The following LRRC53 variants were observed in gnomAD, a reference collection of about 807,000 sequenced individuals.
The protein encoded by LRRC53 is leucine rich repeat containing 53.
Under a neutral mutation model 13.6 loss-of-function variants are expected in LRRC53, and 25 were observed. The observed-to-expected ratio is 1.83, with a 90% CI of 1.34 to 2.56. The LOEUF (loss-of-function observed/expected upper bound fraction) is 2.56, where lower values mean the gene tolerates loss of function less well. Among genes scored for constraint, LRRC53 ranks in the 30% most tolerant of loss-of-function variants. LRRC53 has a pLI of 0.00. For missense variants in LRRC53, 527 were observed against 275.8 expected (o/e 1.91, Z -6.45); for synonymous variants, 204 against 109.8 (o/e 1.86, Z -5.37).
intron 1 of LRRC53, among the ~76,000 whole-genome samples, chr1:74,511,403 C>T (rs1485441435): frequency 6.6e-6 from 1 of 151,970 alleles, no homozygotes; most frequent in Non-Finnish European, 1.5e-5. Flanking sequence ...ATGTTGGCCT[C>T]GAACTCCTGG....
chr1:74,496,681 G>A (rs1043948797), intron 1 of LRRC53, among the ~76,000 whole-genome samples: 4 of 152,006 alleles, frequency 2.6e-5, no homozygotes, highest in Non-Finnish European at 4.4e-5. Flanking sequence ...ACAGATAATA[G>A]GAATTCCCTA....
rs143699578 is a variant in LRRC53 at position 74,509,231 on chromosome 1, C to T, written c.-27+3295G>A. On this transcript the variant is annotated intron_variant, in intron 1 of 4. Coordinates refer to ENST00000294635, the MANE Select transcript of LRRC53 (RefSeq NM_001382280.1). ...TCAAATTTGACAGTGTTGACCATTC[C>T]TCAGTCAAGTTGCCATTTGGAATAA... Among the ~76,000 whole-genome samples the T allele has an allele frequency of 3.4e-4, 51 of 152,216 alleles. No homozygotes were observed. The East Asian group carries it at 7.9e-3, about 24-fold the overall frequency.
At chr1:74,532,344 G>A in the LRRC53 span, among the ~76,000 whole-genome samples, 80 of 151,996 alleles carry the variant, frequency 5.3e-4, no homozygotes, top group Non-Finnish European at 9.7e-4. Context: ...AGAATTTAGC[G>A]TTCATCTTTA....
chr1:74,527,200 C>A, the LRRC53 span, among the ~76,000 whole-genome samples: 1 of 152,172 alleles, frequency 6.6e-6, no homozygotes, highest in Admixed American at 6.5e-5. Flanking sequence ...AAGTGCCAGG[C>A]ACACGGAGAC....
At chr1:74,490,472 A>G (rs1241942509) in intron 1 of LRRC53, among the ~76,000 whole-genome samples, 2 of 152,228 alleles carry the variant, frequency 1.3e-5, no homozygotes, top group African/African-American at 2.4e-5. Context: ...GGAATCCACC[A>G]TGATAGGATC....
chr1:74,514,073 C>G (rs994026644), upstream of LRRC53, among the ~76,000 whole-genome samples: 3 of 152,142 alleles, frequency 2.0e-5, no homozygotes, highest in Admixed American at 6.6e-5. Context: ...AAAGGCTATT[C>G]GAAGTTTGCA....
intron 1 of LRRC53, among the ~76,000 whole-genome samples, chr1:74,491,718 A>G (rs992923006): frequency 6.6e-6 from 1 of 152,238 alleles, no homozygotes; most frequent in African/African-American, 2.4e-5. Context: ...TGTAAAGGGA[A>G]TAATTTTAGC....
intron 1 of LRRC53, among the ~76,000 whole-genome samples, chr1:74,507,751 T>C (rs1387055536): frequency 6.6e-6 from 1 of 152,232 alleles, no homozygotes; most frequent in Non-Finnish European, 1.5e-5. Context: ...ACTAATATGG[T>C]ACTTTAGTGT....
At chr1:74,502,630 A>C (rs1356196527) in intron 1 of LRRC53, among the ~76,000 whole-genome samples, 3 of 152,176 alleles carry the variant, frequency 2.0e-5, no homozygotes, top group Non-Finnish European at 4.4e-5. Context: ...CCTCGCACTT[A>C]AACTGCCAGA....
chr1:74,482,509 C>G (rs1179011853), intron 2 of LRRC53, among the ~76,000 whole-genome samples: 5 of 152,204 alleles, frequency 3.3e-5, no homozygotes, highest in African/African-American at 7.2e-5. Flanking sequence ...ATGAAAACCT[C>G]TCTGTCCTGT....
At chr1:74,532,479 T>G in the LRRC53 span, among the ~76,000 whole-genome samples, 1 of 152,068 alleles carries the variant, frequency 6.6e-6, no homozygotes, top group Admixed American at 6.5e-5. Context: ...TTCTTTTTAT[T>G]TTATTATTAT....
Position 74,475,813 on chromosome 1 carries a change from A to G in LRRC53, c.905-3T>C, listed in dbSNP as rs1475417853. ...TAGGCAAGTGAGACCAACAGCTCCTATGACAAATAGAGAGACCATTAAAAG... is the reference window on the plus strand; with the variant it reads ...TAGGCAAGTGAGACCAACAGCTCCTGTGACAAATAGAGAGACCATTAAAAG... On this transcript the variant is annotated splice_polypyrimidine_tract_variant and splice_region_variant and intron_variant, in intron 3 of 4. Coordinates refer to ENST00000294635, the MANE Select transcript of LRRC53 (RefSeq NM_001382280.1). 5 of 599,240 alleles carry G rather than the reference A, an allele frequency of 8.3e-6. No individual in the cohort carries two copies. Among genetic ancestry groups the G allele is most frequent in the African/African-American group, 5.6e-5 (3 of 53,612 alleles). The allele number at this position is 599,240 out of a possible 1,614,324, so 37.1% of individuals were successfully genotyped here. A position where few individuals can be genotyped will look rare whatever the true frequency, so the allele number is the denominator to read the frequency against.
intron 1 of LRRC53, among the ~76,000 whole-genome samples, chr1:74,488,145 G>A (rs1457430966): frequency 1.3e-5 from 2 of 152,160 alleles, no homozygotes; most frequent in Non-Finnish European, 2.9e-5. Context: ...AAGAATGAGG[G>A]GGTGTGGCTA....
intron 1 of LRRC53, among the ~76,000 whole-genome samples, chr1:74,487,884 C>T (rs751081878): frequency 5.9e-5 from 9 of 152,082 alleles, no homozygotes; most frequent in Non-Finnish European, 1.2e-4. Flanking sequence ...GAGAAAGGGA[C>T]AGCTCAGAGA....
intron 1 of LRRC53, among the ~76,000 whole-genome samples, chr1:74,500,455 T>G (rs1324524439): frequency 1.3e-5 from 2 of 151,206 alleles, no homozygotes; most frequent in African/African-American, 4.9e-5. Flanking sequence ...TACAAAAAAA[T>G]TAGCCGGGCG....
At chr1:74,503,454 C>T (rs1669736957) in intron 1 of LRRC53, among the ~76,000 whole-genome samples, 1 of 152,194 alleles carries the variant, frequency 6.6e-6, no homozygotes, top group South Asian at 2.1e-4. Flanking sequence ...CTCACTTCAG[C>T]AGTGTCTTCT....
the LRRC53 span, among the ~76,000 whole-genome samples, chr1:74,526,679 T>C: frequency 2.6e-5 from 4 of 152,220 alleles, no homozygotes; most frequent in Non-Finnish European, 5.9e-5. Context: ...TGCATTTTAG[T>C]CTTTAACATT....
intron 1 of LRRC53, among the ~76,000 whole-genome samples, chr1:74,503,499 G>A (rs1295721704): frequency 6.6e-6 from 1 of 152,128 alleles, no homozygotes. Context: ...CTTACTCAGT[G>A]ACACTGTTGA....
At chr1:74,518,424 T>C in the LRRC53 span, among the ~76,000 whole-genome samples, 1 of 152,192 alleles carries the variant, frequency 6.6e-6, no homozygotes, top group African/African-American at 2.4e-5. Flanking sequence ...AAGGGACCAA[T>C]GTATCTAAAG....
Sources: gnomAD v4.1 joint callset for allele counts (sites outside exome capture counted in the v4.1 genomes callset) on GRCh38, gnomAD v4.1.1 for gene constraint, MANE v1.5 for transcripts, NCBI Gene and HGNC (gene_info 2026-07-23, HGNC 2026-07-21) for gene names.